The following STXBP5L variants were observed in gnomAD, a reference collection of about 807,000 sequenced individuals.
The protein encoded by STXBP5L is syntaxin-binding protein 5-like.
Under a neutral mutation model 144.5 loss-of-function variants are expected in STXBP5L, and 65 were observed. That is an observed-to-expected ratio of 0.45 (90% CI 0.37 to 0.55). STXBP5L has a LOEUF of 0.55. Ranked by LOEUF, STXBP5L falls within the 20% of genes least tolerant of loss-of-function variation. The probability of loss-of-function intolerance (pLI) is 0.00; values close to 1 mark genes in which losing one functional copy is unlikely to be tolerated. For missense variants in STXBP5L, 1,298 were observed against 1,405.5 expected (o/e 0.92, Z 1.22); for synonymous variants, 505 against 469.6 (o/e 1.08, Z -0.97).
intron 3 of STXBP5L, among the ~76,000 whole-genome samples, chr3:120,965,311 A>T (rs1413194472): frequency 6.6e-6 from 1 of 152,122 alleles, no homozygotes; most frequent in Non-Finnish European, 1.5e-5. Flanking sequence ...TGTGAATTTG[A>T]TTCTGTCATG....
chr3:121,379,003 G>T (rs2046261521), intron 21 of STXBP5L, 117 bp downstream of exon 21: 2 of 1,074,166 alleles, frequency 1.9e-6, no homozygotes, highest in Non-Finnish European at 2.6e-6. Flanking sequence ...CTACTAATCA[G>T]TGAATACCTG....
At chr3:121,203,570 A>T (rs979118259) in intron 9 of STXBP5L, among the ~76,000 whole-genome samples, 8 of 152,194 alleles carry the variant, frequency 5.3e-5, no homozygotes, top group Non-Finnish European at 2.9e-5. Flanking sequence ...ATGACATTTA[A>T]TCATGTTTCA....
intron 20 of STXBP5L, among the ~76,000 whole-genome samples, chr3:121,370,380 T>C (rs2045995172): frequency 6.6e-6 from 1 of 152,186 alleles, no homozygotes; most frequent in Admixed American, 6.5e-5. Context: ...AAAAAGTGTA[T>C]AGCACCTCCC....
intron 14 of STXBP5L, among the ~76,000 whole-genome samples, chr3:121,250,278 A>T (rs2049989036): frequency 1.3e-5 from 2 of 152,000 alleles, no homozygotes; most frequent in African/African-American, 4.8e-5. Context: ...TTTGATTATT[A>T]CCAAATAATG....
intron 3 of STXBP5L, among the ~76,000 whole-genome samples, chr3:120,984,698 A>G (rs952709217): frequency 7.3e-6 from 1 of 137,842 alleles, no homozygotes; most frequent in Non-Finnish European, 1.5e-5. Flanking sequence ...ACCATGTTGA[A>G]TAGAAGTGGT....
At chr3:120,978,756 T>G (rs902939020) in intron 3 of STXBP5L, among the ~76,000 whole-genome samples, 1 of 152,214 alleles carries the variant, frequency 6.6e-6, no homozygotes, top group Non-Finnish European at 1.5e-5. Flanking sequence ...TAGTTTTCCT[T>G]CTAACAGATG....
chr3:121,347,245 C>G (rs113662772), intron 20 of STXBP5L, among the ~76,000 whole-genome samples: 15,130 of 152,118 alleles, frequency 0.099, 941 homozygotes, highest in Non-Finnish European at 0.14. Context: ...TCAGGTTTGT[C>G]AAAGATCAGA....
At chr3:121,061,357 TC>T (rs1355366140) in intron 5 of STXBP5L, among the ~76,000 whole-genome samples, 1 of 152,202 alleles carries the variant, frequency 6.6e-6, no homozygotes, top group African/African-American at 2.4e-5. Flanking sequence ...TGATTTCTGT[TC>T]TTTTGCATTT....
intron 2 of STXBP5L, among the ~76,000 whole-genome samples, chr3:120,933,861 C>T (rs1710102022): frequency 6.6e-6 from 1 of 151,976 alleles, no homozygotes; most frequent in Non-Finnish European, 1.5e-5. Flanking sequence ...GAATTCAATA[C>T]CAGGTCTACT....
intron 5 of STXBP5L, among the ~76,000 whole-genome samples, chr3:121,101,123 C>T (rs1167964231): frequency 6.6e-6 from 1 of 151,442 alleles, no homozygotes; most frequent in African/African-American, 2.4e-5. Context: ...AAAAAAAAAG[C>T]TCCAGACAAG....
chr3:121,299,068 G>T (rs1301414415), intron 19 of STXBP5L, among the ~76,000 whole-genome samples: 1 of 152,134 alleles, frequency 6.6e-6, no homozygotes. Context: ...TCTCCTAGCA[G>T]ATCTTGTAAA....
chr3:121,078,510 C>T (rs1159327148), intron 5 of STXBP5L, among the ~76,000 whole-genome samples: 1 of 152,272 alleles, frequency 6.6e-6, no homozygotes, highest in Non-Finnish European at 1.5e-5. Flanking sequence ...GAGCTGCCTG[C>T]CAGTCCCGTG....
intron 10 of STXBP5L, among the ~76,000 whole-genome samples, chr3:121,210,474 C>T (rs1196045128): frequency 2.0e-5 from 3 of 152,070 alleles, no homozygotes; most frequent in Admixed American, 6.6e-5. Flanking sequence ...GTTGCCATTG[C>T]TTTTGGTGTT....
At chr3:121,082,342 T>C (rs961578570) in intron 5 of STXBP5L, among the ~76,000 whole-genome samples, 11 of 152,190 alleles carry the variant, frequency 7.2e-5, no homozygotes, top group African/African-American at 2.4e-4. Context: ...GTTAGATCTA[T>C]ACCTATGTAT....
At chr3:121,074,963 A>G (rs2041960835) in intron 5 of STXBP5L, among the ~76,000 whole-genome samples, 1 of 152,184 alleles carries the variant, frequency 6.6e-6, no homozygotes, top group East Asian at 1.9e-4. Context: ...ACAATGGCCC[A>G]ATCGCTTGAG....
chr3:121,309,155 T>A (rs1406926743), intron 19 of STXBP5L, among the ~76,000 whole-genome samples: 1 of 151,792 alleles, frequency 6.6e-6, no homozygotes, highest in Admixed American at 6.6e-5. Flanking sequence ...CCCAACTATA[T>A]CAATAATATT....
intron 20 of STXBP5L, among the ~76,000 whole-genome samples, chr3:121,359,329 TG>T (rs2108634414): frequency 6.6e-6 from 1 of 152,292 alleles, no homozygotes; most frequent in African/African-American, 2.4e-5. Flanking sequence ...AGAGTTGTTT[TG>T]AGCTTTTTAT....
chr3:121,084,806 G>C (rs1449949653), intron 5 of STXBP5L, among the ~76,000 whole-genome samples: 1 of 152,062 alleles, frequency 6.6e-6, no homozygotes. Context: ...CTTTAAAATG[G>C]TTGAACTAAT....
At chr3:121,229,479 T>C (rs1050214747) in intron 11 of STXBP5L, among the ~76,000 whole-genome samples, 9 of 152,178 alleles carry the variant, frequency 5.9e-5, no homozygotes, top group East Asian at 5.8e-4. Flanking sequence ...ATTAAAAACA[T>C]AGGAAACACA....
Sources: gnomAD v4.1 joint callset for allele counts (sites outside exome capture counted in the v4.1 genomes callset) on GRCh38, gnomAD v4.1.1 for gene constraint, MANE v1.5 for transcripts, NCBI Gene and HGNC (gene_info 2026-07-23, HGNC 2026-07-21) for gene names.